The following TRAPPC9 variants were observed in gnomAD, a reference collection of about 807,000 sequenced individuals.
The protein encoded by TRAPPC9 is trafficking protein particle complex subunit 9, also known as IKK2 binding protein.
A neutral mutation model predicts 124.0 loss-of-function variants in TRAPPC9; 83 were observed. The observed-to-expected ratio is 0.67, with a 90% CI of 0.56 to 0.80. The LOEUF (loss-of-function observed/expected upper bound fraction) is 0.80, where lower values mean the gene tolerates loss of function less well. Ranked by LOEUF, TRAPPC9 falls within the 30% of genes least tolerant of loss-of-function variation. The pLI, the probability that TRAPPC9 is intolerant of heterozygous loss-of-function variation, is 0.00. For synonymous variants in TRAPPC9, 638 were observed against 617.5 expected, an observed-to-expected ratio of 1.03 and a Z score of -0.49; for missense variants, 1,302 against 1,508.3, an observed-to-expected ratio of 0.86 and a Z score of 2.27.
intron 5 of TRAPPC9, among the ~76,000 whole-genome samples, chr8:140,413,332 T>C (rs1473911647): frequency 1.3e-5 from 2 of 151,994 alleles, no homozygotes; most frequent in African/African-American, 2.4e-5. Flanking sequence ...GAGGTTGCAG[T>C]GAGCTGAGAT....
chr8:140,062,583 GC>G (rs1245967570), intron 17 of TRAPPC9, among the ~76,000 whole-genome samples: 2 of 151,914 alleles, frequency 1.3e-5, no homozygotes, highest in Admixed American at 6.6e-5. Flanking sequence ...CTTCCTGTAA[GC>G]CCTGCTCAGC....
chr8:139,817,812 G>A (rs1377081624), intron 21 of TRAPPC9, among the ~76,000 whole-genome samples: 2 of 152,166 alleles, frequency 1.3e-5, no homozygotes, highest in East Asian at 1.9e-4. Flanking sequence ...AAAGACTTTC[G>A]GGAATACCTC....
intron 15 of TRAPPC9, among the ~76,000 whole-genome samples, chr8:140,272,371 G>T (rs1003351398): frequency 5.0e-4 from 74 of 148,484 alleles, no homozygotes; most frequent in Middle Eastern, 7.1e-3. Flanking sequence ...TGGTAGTGAG[G>T]GTGGTGGTGA....
At chr8:139,893,051 C>T (rs1371274788) in intron 20 of TRAPPC9, among the ~76,000 whole-genome samples, 1 of 152,228 alleles carries the variant, frequency 6.6e-6, no homozygotes, top group Non-Finnish European at 1.5e-5. Flanking sequence ...ACTGATGCTA[C>T]AGGCCCTGTG....
chr8:140,126,337 C>CT (rs11452264), intron 17 of TRAPPC9, among the ~76,000 whole-genome samples: 1 of 36,502 alleles, frequency 2.7e-5, no homozygotes, highest in African/African-American at 1.5e-4. Flanking sequence ...CAGAGGAAAA[C>CT]GACAGGTCCA....
At chr8:139,849,156 C>T (rs915909804) in intron 21 of TRAPPC9, among the ~76,000 whole-genome samples, 13 of 152,194 alleles carry the variant, frequency 8.5e-5, no homozygotes, top group Admixed American at 2.6e-4. Context: ...ATTGAGCCTT[C>T]GTCTAGGATA....
Position 140,013,491 on chromosome 8 carries a change from G to A in TRAPPC9, c.2699+10446C>T, listed in dbSNP as rs145619669. On this transcript the variant is annotated intron_variant, in intron 18 of 22. Transcript: ENST00000438773. ...CACTGCAGCGTTTCTTCAAAACTTCGGTTGACCACTGACTACTTACTTCAC... is the reference window on the plus strand; with the variant it reads ...CACTGCAGCGTTTCTTCAAAACTTCAGTTGACCACTGACTACTTACTTCAC... Among the ~76,000 whole-genome samples, 20 of 152,300 alleles carry A rather than the reference G, an allele frequency of 1.3e-4. 1 individual carries two copies. The East Asian group carries it at 2.9e-3, about 22-fold the overall frequency.
intron 17 of TRAPPC9, among the ~76,000 whole-genome samples, chr8:140,135,181 T>C (rs2061278729): frequency 6.6e-6 from 1 of 152,136 alleles, no homozygotes; most frequent in Admixed American, 6.5e-5. Flanking sequence ...GCTGGGGGGA[T>C]GTCGAGAAAT....
rs983483931 is a variant in TRAPPC9, at chr8:140,104,982, T to G, written c.2557-80903A>C. Reference sequence around the variant, plus strand: ...GCAGGGTCCCACTCAGCAGCAGCCCTGACTGCGTGGCTCCTGGGACAGCCC... The same window carrying G: ...GCAGGGTCCCACTCAGCAGCAGCCCGGACTGCGTGGCTCCTGGGACAGCCC... On this transcript the variant is annotated intron_variant, in intron 17 of 22. Coordinates refer to ENST00000438773, the MANE Select transcript of TRAPPC9 (RefSeq NM_001160372.4). The surrounding 1 kb of genome is among the most constrained non-coding windows in gnomAD (Gnocchi z 4.0). Among the ~76,000 whole-genome samples the G allele has an allele frequency of 2.6e-5, 4 of 152,144 alleles. No homozygotes were observed. The highest frequency in any genetic ancestry group is 9.7e-5 in the African/African-American group (4 of 41,384).
Position 140,418,771 on chromosome 8 carries a change from T to TAGATAGATAGAC in TRAPPC9, c.886+7843_886+7844insGTCTATCTATCT, listed in dbSNP as rs779953213. 9.8e-3 allele frequency among the ~76,000 whole-genome samples: 1,282 copies of TAGATAGATAGAC among 131,254 alleles called. 41 individuals carry two copies. Among genetic ancestry groups the TAGATAGATAGAC allele is most frequent in the East Asian group, 0.029 (104 of 3,532 alleles). The allele number at this position is 131,254 out of a possible 152,430, so 86.1% of individuals were successfully genotyped here. On this transcript the variant is annotated intron_variant, in intron 5 of 22. Transcript: ENST00000438773. Reference sequence around the variant, plus strand: ...ATAGATAGATAGATAGATAGATAGATAGACAGACAGACAGACAGATGCAAA... The same window carrying TAGATAGATAGAC: ...ATAGATAGATAGATAGATAGATAGATAGATAGATAGACAGACAGACAGACAGACAGATGCAAA...
intron 16 of TRAPPC9, among the ~76,000 whole-genome samples, chr8:140,232,646 C>T (rs1156733315): frequency 6.6e-6 from 1 of 152,202 alleles, no homozygotes; most frequent in African/African-American, 2.4e-5. Context: ...ACGATCTCAA[C>T]AGCACGGAGG....
chr8:140,237,225 C>G (rs1440945918), intron 16 of TRAPPC9, among the ~76,000 whole-genome samples: 1 of 151,056 alleles, frequency 6.6e-6, no homozygotes, highest in Non-Finnish European at 1.5e-5. Context: ...TGTGGAAGAT[C>G]ATCAGACAAA....
chr8:140,389,210 G>C (rs925379212), intron 7 of TRAPPC9, among the ~76,000 whole-genome samples: 2 of 152,086 alleles, frequency 1.3e-5, no homozygotes, highest in Non-Finnish European at 2.9e-5. Flanking sequence ...GCCTGCCTCA[G>C]CCTCCCAAAG....
At chr8:140,207,165 T>C (rs1265607721) in intron 17 of TRAPPC9, among the ~76,000 whole-genome samples, 1 of 152,174 alleles carries the variant, frequency 6.6e-6, no homozygotes, top group Admixed American at 6.5e-5. Flanking sequence ...CCTGTTGACA[T>C]ACTAAGGATG....
chr8:139,877,407 C>T (rs1829391354), intron 21 of TRAPPC9, among the ~76,000 whole-genome samples: 2 of 152,220 alleles, frequency 1.3e-5, no homozygotes, highest in Non-Finnish European at 2.9e-5. Context: ...CTACCTCCTG[C>T]TCTTCCCACC....
intron 15 of TRAPPC9, among the ~76,000 whole-genome samples, chr8:140,272,011 GA>G (rs971694786): frequency 1.6e-5 from 2 of 123,200 alleles, no homozygotes; most frequent in African/African-American, 3.3e-5. Flanking sequence ...TGATGGTGGT[GA>G]CGGGTGATGG....
intron 4 of TRAPPC9, among the ~76,000 whole-genome samples, chr8:140,431,102 C>G (rs910145125): frequency 6.6e-6 from 1 of 152,076 alleles, no homozygotes; most frequent in Non-Finnish European, 1.5e-5. Context: ...TTGGGTAGGT[C>G]AAGATGGCTA....
rs77958452 is a variant in TRAPPC9 at position 139,957,500 on chromosome 8, C to T, written c.2810+31226G>A. Among the ~76,000 whole-genome samples, 7 of 152,306 alleles carry T rather than the reference C, an allele frequency of 4.6e-5. No homozygotes were observed. In the South Asian group the frequency reaches 6.2e-4, roughly 14 times the overall value. ...TGACTCTGGGGACCTAGGTAGGGCA[C>T]GCTGTGTCTGGGTGTCCTCGGGAAT... On this transcript the variant is annotated intron_variant, in intron 19 of 22. Transcript: ENST00000438773.
chr8:139,975,282 C>T (rs1316395176), intron 19 of TRAPPC9, among the ~76,000 whole-genome samples: 2 of 152,232 alleles, frequency 1.3e-5, no homozygotes, highest in Non-Finnish European at 2.9e-5. Flanking sequence ...CTCCGCATTT[C>T]GCTAGCACAC....
Sources: allele counts gnomAD v4.1 joint callset (sites outside exome capture counted in the v4.1 genomes callset), GRCh38; gene constraint gnomAD v4.1.1; non-coding constraint Gnocchi (gnomAD v3.1); transcripts MANE v1.5; gene names NCBI Gene and HGNC (gene_info 2026-07-23, HGNC 2026-07-21).